TBC1D14: variants seen among roughly 807,000 people sequenced by gnomAD.
TBC1D14 encodes the protein TBC1 domain family member 14.
TBC1D14 carries 26 observed loss-of-function variants against 79.0 expected under a neutral mutation model. The observed-to-expected ratio is 0.33, with a 90% CI of 0.24 to 0.46. The LOEUF (loss-of-function observed/expected upper bound fraction) is 0.46, where lower values mean the gene tolerates loss of function less well. Ranked by LOEUF, TBC1D14 falls within the 20% of genes least tolerant of loss-of-function variation. The pLI is 1.00. For synonymous variants in TBC1D14, 394 were observed against 349.9 expected, an observed-to-expected ratio of 1.13 and a Z score of -1.40; for missense variants, 769 against 887.6, an observed-to-expected ratio of 0.87 and a Z score of 1.70.
intron 5 of TBC1D14, among the ~76,000 whole-genome samples, chr4:6,998,353 C>G (rs1221092357): frequency 6.7e-6 from 1 of 148,276 alleles, no homozygotes; most frequent in Admixed American, 6.6e-5. Flanking sequence ...GAGCAAAACT[C>G]CGTCTAAAAA....
intron 1 of TBC1D14, among the ~76,000 whole-genome samples, chr4:6,916,292 C>T (rs1269384582): frequency 1.3e-5 from 2 of 152,022 alleles, no homozygotes; most frequent in African/African-American, 2.4e-5. Context: ...GTGGAGCGTC[C>T]AGAGAGGAGC....
intron 13 of TBC1D14, among the ~76,000 whole-genome samples, chr4:7,027,064 A>G (rs11944897): frequency 0.86 from 130,170 of 151,948 alleles, 55,799 homozygotes; most frequent in East Asian, 0.98. Context: ...TACAAAAATT[A>G]GCCGGGCACG....
intron 8 of TBC1D14, among the ~76,000 whole-genome samples, chr4:7,005,376 A>C (rs547650803): frequency 1.2e-4 from 18 of 152,330 alleles, no homozygotes; most frequent in African/African-American, 4.3e-4. Context: ...CTCTACTAAA[A>C]ATAGAAAAAT....
intron 12 of TBC1D14, among the ~76,000 whole-genome samples, chr4:7,022,570 G>A (rs1024214016): frequency 1.3e-5 from 2 of 152,234 alleles, no homozygotes; most frequent in Non-Finnish European, 2.9e-5. Flanking sequence ...AGAGGCTGAT[G>A]CCAGGAACAA....
intron 3 of TBC1D14, among the ~76,000 whole-genome samples, chr4:6,991,756 G>A (rs1265203557): frequency 6.6e-6 from 1 of 152,166 alleles, no homozygotes; most frequent in African/African-American, 2.4e-5. Context: ...CGGGGGGCTG[G>A]TGTGGAGGAG....
intron 4 of TBC1D14, chr4:6,995,379 TTA>T (rs1718912322): frequency 6.6e-6 from 1 of 152,232 alleles, no homozygotes; most frequent in Non-Finnish European, 1.5e-5. Flanking sequence ...TTGACAGTTA[TTA>T]GTGTATTGCA....
chr4:6,968,095 A>G (rs1011365891), intron 3 of TBC1D14, among the ~76,000 whole-genome samples: 3 of 152,100 alleles, frequency 2.0e-5, no homozygotes, highest in South Asian at 2.1e-4. Flanking sequence ...TCGGCATCCT[A>G]AGAGTCTGCT....
intron 2 of TBC1D14, among the ~76,000 whole-genome samples, chr4:6,963,714 AT>A (rs1427044307): frequency 2.0e-5 from 3 of 152,250 alleles, no homozygotes; most frequent in Non-Finnish European, 4.4e-5. Flanking sequence ...CCACAAAAAA[AT>A]ATATCAACAT....
At chr4:6,937,145 G>A (rs1712414877) in intron 2 of TBC1D14, among the ~76,000 whole-genome samples, 1 of 152,158 alleles carries the variant, frequency 6.6e-6, no homozygotes, top group African/African-American at 2.4e-5. Context: ...TGGAACTCCC[G>A]ACCTCAGGTG....
At chr4:6,970,624 G>A (rs1257498516) in intron 3 of TBC1D14, among the ~76,000 whole-genome samples, 1 of 152,292 alleles carries the variant, frequency 6.6e-6, no homozygotes, top group Non-Finnish European at 1.5e-5. Flanking sequence ...CCCAAGAGCA[G>A]TTGGGTTGAC....
intron 4 of TBC1D14, among the ~76,000 whole-genome samples, 179 bp from the exon 5 acceptor site, chr4:6,996,146 C>T (rs1452074588): frequency 6.6e-6 from 1 of 152,158 alleles, no homozygotes; most frequent in Admixed American, 6.5e-5. Flanking sequence ...TTATAGTGAA[C>T]TTGTTTTTGT....
chr4:6,974,311 T>C (rs1457382460), intron 3 of TBC1D14, among the ~76,000 whole-genome samples: 1 of 152,024 alleles, frequency 6.6e-6, no homozygotes, highest in Non-Finnish European at 1.5e-5. Flanking sequence ...TCTCTCTCTC[T>C]CCCCATTACC....
chr4:7,025,065 T>G lies in TBC1D14; in HGVS notation c.1819T>G (p.Phe607Val). Reference protein sequence around the residue: ...LDLACRIWDVFCRDGEEFLFR... With the variant: ...LDLACRIWDVVCRDGEEFLFR... Reference sequence around the variant, plus strand: ...CCTGGCCTGTCGTATCTGGGACGTGTTCTGTCGCGATGGGGAAGAGTTCCT... The same window carrying G: ...CCTGGCCTGTCGTATCTGGGACGTGGTCTGTCGCGATGGGGAAGAGTTCCT... Residue 607 changes from phenylalanine (F) to valine (V), a missense_variant, in exon 13 of 14, where the codon TTC (phenylalanine) becomes GTC (valine). Physicochemically the swap from Phe to Val is conservative, Grantham distance 50. Around this residue, in one of 2 missense-constraint regions of TBC1D14, gnomAD observed 367 missense variants for 494.4 expected, o/e 0.74. Coordinates refer to ENST00000409757, the MANE Select transcript of TBC1D14 (RefSeq NM_020773.3). 1 of 1,614,202 alleles carries G rather than the reference T, an allele frequency of 6.2e-7. No homozygotes were observed. Among genetic ancestry groups the G allele is most frequent in the Non-Finnish European group, 8.5e-7 (1 of 1,180,028 alleles).
intron 2 of TBC1D14, chr4:6,954,194 C>T (rs758120887): frequency 2.9e-6 from 2 of 690,686 alleles, no homozygotes; most frequent in South Asian, 1.5e-5. Flanking sequence ...TCCGAGTGCA[C>T]CCATGGAGTT....
chr4:6,948,707 GT>G (rs71173474), intron 2 of TBC1D14, among the ~76,000 whole-genome samples: 93 of 135,360 alleles, frequency 6.9e-4, no homozygotes, highest in East Asian at 1.7e-3. Context: ...GGGGTACTTG[GT>G]TTTTTTTTTT....
chr4:6,992,084 C>T (rs1008061794), intron 3 of TBC1D14, among the ~76,000 whole-genome samples: 3 of 152,216 alleles, frequency 2.0e-5, no homozygotes. Flanking sequence ...CCAGCACTCC[C>T]TGTGCACCAG....
intron 3 of TBC1D14, among the ~76,000 whole-genome samples, chr4:6,989,304 C>T (rs1192375493): frequency 6.6e-6 from 1 of 152,154 alleles, no homozygotes; most frequent in Non-Finnish European, 1.5e-5. Flanking sequence ...GTCCCAGCAC[C>T]TCTGGGTAAC....
intron 12 of TBC1D14, among the ~76,000 whole-genome samples, chr4:7,017,171 G>A (rs185648478): frequency 2.9e-4 from 44 of 152,188 alleles, no homozygotes; most frequent in Middle Eastern, 3.4e-3. Context: ...ATGGTGGCGC[G>A]TACCTGTAAT....
At chr4:6,971,667 G>A (rs577490461) in intron 3 of TBC1D14, among the ~76,000 whole-genome samples, 3 of 152,256 alleles carry the variant, frequency 2.0e-5, no homozygotes, top group Non-Finnish European at 4.4e-5. Context: ...TGCGGTCCCC[G>A]GAGTAGTCAC....
Sources: gnomAD v4.1 joint callset for allele counts (sites outside exome capture counted in the v4.1 genomes callset) on GRCh38, gnomAD v4.1.1 for gene constraint, gnomAD v4.1.1 regional missense constraint, MANE v1.5 for transcripts, NCBI Gene and HGNC (gene_info 2026-07-23, HGNC 2026-07-21) for gene names.